The following FBH1 variants were observed in gnomAD, a reference collection of about 807,000 sequenced individuals.
FBH1 encodes F-box DNA helicase 1, also known as DNA 3'-5' helicase 1.
A neutral mutation model predicts 115.5 loss-of-function variants in FBH1; 43 were observed. The ratio of observed to expected loss-of-function variants is 0.37; its 90% confidence interval spans 0.29 to 0.48. The LOEUF (loss-of-function observed/expected upper bound fraction) is 0.48, where lower values mean the gene tolerates loss of function less well. Ranked by LOEUF, FBH1 falls within the 20% of genes least tolerant of loss-of-function variation. FBH1 has a pLI of 0.99. For synonymous variants in FBH1, 524 were observed against 507.8 expected (o/e 1.03, Z -0.43); for missense variants, 1,001 against 1,337.3 (o/e 0.75, Z 3.92).
chr10:5,918,579 A>C lies in FBH1; in HGVS notation c.2100+101A>C. On this transcript the variant is annotated intron_variant, in intron 13 of 20. Transcript: ENST00000362091. This position sits in a 1 kb window ranked among gnomAD's most constrained non-coding sequence, Gnocchi z 4.0. Reference sequence around the variant, plus strand: ...TATGCCAGGCTCACCAGATCTAGCAAATCCTTGCTTCTAAGCCATGGTTCT... The same window carrying C: ...TATGCCAGGCTCACCAGATCTAGCACATCCTTGCTTCTAAGCCATGGTTCT... 7.3e-7 allele frequency: 1 copy of C among 1,375,744 alleles called. No individual in the cohort carries two copies. The highest frequency in any genetic ancestry group is 9.5e-7 in the Non-Finnish European group (1 of 1,047,414). The allele number at this position is 1,375,744 out of a possible 1,614,324, so 85.2% of individuals were successfully genotyped here. A position where few individuals can be genotyped will look rare whatever the true frequency, so the allele number is the denominator to read the frequency against.
In FBH1 at chr10:5,902,875, G is replaced by T. The variant is rs1013539635; in HGVS notation, c.2-145G>T. The T allele has an allele frequency of 2.4e-5, 14 of 588,580 alleles. 1 individual carries two copies. The Admixed American group carries it at 3.9e-4, about 17-fold the overall frequency. The allele number at this position is 588,580 out of a possible 1,614,324, so 36.5% of individuals were successfully genotyped here. ...AGAAATTGAAAGGACAAAGTTGGGG[G>T]GCAAGGGGAGGGGGGAACGGTTGGC... On this transcript the variant is annotated intron_variant, in intron 1 of 20. Transcript: ENST00000362091.
rs146471049 is a variant in FBH1 at position 5,903,071 on chromosome 10, C to T, written c.53C>T (p.Ala18Val). 1.9e-6 allele frequency: 3 copies of T among 1,613,710 alleles called. No homozygotes were observed. Among genetic ancestry groups the T allele is most frequent in the Non-Finnish European group, 2.5e-6 (3 of 1,179,830 alleles). ...ACTGCCATTGACTGCCAGCATTTGG[C>T]TCGGAGTCACTTGGCTGTGACCCAG... is the stretch of plus-strand genomic sequence containing the variant. ...HLTAIDCQHL[A>V]RSHLAVTQPF... Residue 18 changes from alanine (A) to valine (V), a missense_variant, in exon 2 of 21, where the codon GCT (alanine) becomes GTT (valine). Ala to Val is a moderately conservative substitution (Grantham distance 64, BLOSUM62 0). Around this residue, in one of 4 missense-constraint regions of FBH1, gnomAD observed 420 missense variants for 430.4 expected, o/e 0.98. Coordinates refer to ENST00000362091, the MANE Select transcript of FBH1 (RefSeq NM_178150.3).
Position 5,918,528 on chromosome 10 carries a change from T to C in FBH1, c.2100+50T>C. The C allele has an allele frequency of 4.6e-6, 7 of 1,512,166 alleles. No individual in the cohort carries two copies. The highest frequency in any genetic ancestry group is 6.2e-6 in the Non-Finnish European group (7 of 1,134,822). The allele number at this position is 1,512,166 out of a possible 1,614,324, so 93.7% of individuals were successfully genotyped here. ...GCATTGCATCTCTCTCCCAATGTCT[T>C]ACGTGCCAGGCCCTGTGAAAGGTGG... is the stretch of plus-strand genomic sequence containing the variant. On this transcript the variant is annotated intron_variant, in intron 13 of 20. Transcript: ENST00000362091. The surrounding 1 kb of genome is among the most constrained non-coding windows in gnomAD (Gnocchi z 4.0).
intron 1 of FBH1, chr10:5,894,473 T>C (rs745770336): frequency 6.9e-6 from 9 of 1,307,650 alleles, no homozygotes; most frequent in South Asian, 4.7e-5. Flanking sequence ...CGGGTTCTTG[T>C]GTTGGCACCA....
chr10:5,904,708 T>A (rs554616951), intron 2 of FBH1, among the ~76,000 whole-genome samples: 86 of 152,194 alleles, frequency 5.7e-4, no homozygotes, highest in African/African-American at 1.9e-3. Flanking sequence ...TTTAAAATAA[T>A]AATAATATTT....
At position 5,910,760 on chromosome 10, in the gene FBH1, G is replaced by A. The variant is rs1831532195; in HGVS notation, c.1021-178G>A. Among the ~76,000 whole-genome samples, 1 of 152,178 alleles carries A rather than the reference G, an allele frequency of 6.6e-6. No individual in the cohort carries two copies. The highest frequency in any genetic ancestry group is 2.1e-4 in the South Asian group (1 of 4,828). On this transcript the variant is annotated intron_variant, in intron 5 of 20. Coordinates refer to ENST00000362091, the MANE Select transcript of FBH1 (RefSeq NM_178150.3). The surrounding 1 kb of genome is among the most constrained non-coding windows in gnomAD (Gnocchi z 4.8). Reference sequence around the variant, plus strand: ...CCAAAAGTGATGAGAAGGAGTCCAGGGCGAACAGAAGGGCTCCCCTGTTTC... The same window carrying A: ...CCAAAAGTGATGAGAAGGAGTCCAGAGCGAACAGAAGGGCTCCCCTGTTTC...
intron 19 of FBH1, chr10:5,928,620 C>T (rs898610347): frequency 1.3e-5 from 2 of 152,246 alleles, no homozygotes; most frequent in Non-Finnish European, 2.9e-5. Flanking sequence ...TTGTCACAGA[C>T]ATGTGGAAAA....
Position 5,925,508 on chromosome 10 carries a change from G to C in FBH1, c.2722+16G>C, listed in dbSNP as rs531601376. On this transcript the variant is annotated intron_variant, in intron 18 of 20. Transcript: ENST00000362091. This position sits in a 1 kb window ranked among gnomAD's most constrained non-coding sequence, Gnocchi z 4.6. Reference sequence around the variant, plus strand: ...TTCAGAGTTGGTAAGAGGCCGCCGGGTAGTGTCAGGTGCTGCTGTATGTAG... The same window carrying C: ...TTCAGAGTTGGTAAGAGGCCGCCGGCTAGTGTCAGGTGCTGCTGTATGTAG... The C allele has an allele frequency of 7.4e-6, 12 of 1,612,834 alleles. No individual in the cohort carries two copies. In the Middle Eastern group the frequency reaches 7.6e-4, roughly 102 times the overall value.
intron 2 of FBH1, among the ~76,000 whole-genome samples, chr10:5,905,477 C>T (rs1843636007): frequency 6.6e-6 from 1 of 152,190 alleles, no homozygotes; most frequent in Non-Finnish European, 1.5e-5. Flanking sequence ...AAGATCACAC[C>T]ACTGCACTCC....
Position 5,900,928 on chromosome 10 carries a change from C to G in FBH1, c.2-2092C>G, listed in dbSNP as rs1489483283. Reference sequence around the variant, plus strand: ...CCTGGCCAACATAGTAAAACCCCGTCTCTACTAAAGATACAAAAGTTAGCT... The same window carrying G: ...CCTGGCCAACATAGTAAAACCCCGTGTCTACTAAAGATACAAAAGTTAGCT... On this transcript the variant is annotated intron_variant, in intron 1 of 20. Coordinates refer to ENST00000362091, the MANE Select transcript of FBH1 (RefSeq NM_178150.3). This position sits in a 1 kb window ranked among gnomAD's most constrained non-coding sequence, Gnocchi z 4.2. 6.6e-6 allele frequency among the ~76,000 whole-genome samples: 1 copy of G among 151,982 alleles called. No individual in the cohort carries two copies. The highest frequency in any genetic ancestry group is 1.5e-5 in the Non-Finnish European group (1 of 68,016).
chr10:5,903,287 C>A, intron 2 of FBH1, 112 bp downstream of exon 2: 4 of 714,156 alleles, frequency 5.6e-6, no homozygotes, highest in Non-Finnish European at 6.2e-6. Flanking sequence ...TTGTAGTCTT[C>A]ATGCAATAGC....
rs1168664742 is a variant in FBH1, at chr10:5,894,662, A to G, written c.1+4316A>G. ...GCTTCAAAGCCAAGGAAGACAGCCC[A>G]CACTTCAGAAGAAGTGCTGCAGCTG... On this transcript the variant is annotated intron_variant, in intron 1 of 20. Transcript: ENST00000362091. 4.3e-6 allele frequency: 3 copies of G among 692,920 alleles called. No individual in the cohort carries two copies. In the African/African-American group the frequency reaches 5.3e-5, roughly 12 times the overall value. The allele number at this position is 692,920 out of a possible 1,614,324, so 42.9% of individuals were successfully genotyped here. A position where few individuals can be genotyped will look rare whatever the true frequency, so the allele number is the denominator to read the frequency against.
chr10:5,914,521 C>T lies in FBH1; in HGVS notation c.1396+252C>T, dbSNP rs1299908510. Among the ~76,000 whole-genome samples, 2 of 152,320 alleles carry T rather than the reference C, an allele frequency of 1.3e-5. No individual in the cohort carries two copies. The highest frequency in any genetic ancestry group is 4.8e-5 in the African/African-American group (2 of 41,564). ...GCAGTTAGTTGGTCGGGCAGATGCC[C>T]CCGGGATTGAGCCCAGCATTGTGAT... is the stretch of plus-strand genomic sequence containing the variant. On this transcript the variant is annotated intron_variant, in intron 8 of 20. Transcript: ENST00000362091. The surrounding 1 kb of genome is among the most constrained non-coding windows in gnomAD (Gnocchi z 5.2).
chr10:5,895,217 C>G lies in FBH1; in HGVS notation c.1+4871C>G. On this transcript the variant is annotated intron_variant, in intron 1 of 20. Transcript: ENST00000362091. This position sits in a 1 kb window ranked among gnomAD's most constrained non-coding sequence, Gnocchi z 5.0. ...GAGGCATGTGGGAAACTGACCAGGG[C>G]GGTTAGCTGACTCCAAAATTGTCCA... 1 of 1,592,954 alleles carries G rather than the reference C, an allele frequency of 6.3e-7. No homozygotes were observed. Among genetic ancestry groups the G allele is most frequent in the Non-Finnish European group, 8.6e-7 (1 of 1,166,968 alleles).
At position 5,915,876 on chromosome 10, in the gene FBH1, T is replaced by C; in HGVS notation, c.1565+305T>C. ...CACAAATCCTGATCAGTTGTAGGCT[T>C]TTCTTGGAAGGGAGTGAGGAAGACT... is the stretch of plus-strand genomic sequence containing the variant. On this transcript the variant is annotated intron_variant, in intron 9 of 20. Coordinates refer to ENST00000362091, the MANE Select transcript of FBH1 (RefSeq NM_178150.3). The surrounding 1 kb of genome is among the most constrained non-coding windows in gnomAD (Gnocchi z 5.2). 1 of 467,650 alleles carries C rather than the reference T, an allele frequency of 2.1e-6. No homozygotes were observed. Among genetic ancestry groups the C allele is most frequent in the Non-Finnish European group, 3.8e-6 (1 of 260,154 alleles). The allele number at this position is 467,650 out of a possible 1,614,324, so 29.0% of individuals were successfully genotyped here.
Position 5,936,422 on chromosome 10 carries a change from G to A in FBH1, c.2830-34G>A, listed in dbSNP as rs199590506. 1,243 of 1,607,266 alleles carry A rather than the reference G, an allele frequency of 7.7e-4. No individual in the cohort carries two copies. Among genetic ancestry groups the A allele is most frequent in the Non-Finnish European group, 1.0e-3 (1,182 of 1,176,522 alleles). ...TCCAGTAGACCCTAACGGAGGTGTC[G>A]CCATGACTCTCTTTCTCGCTCTTTC... On this transcript the variant is annotated intron_variant, in intron 19 of 20. Coordinates refer to ENST00000362091, the MANE Select transcript of FBH1 (RefSeq NM_178150.3). The surrounding 1 kb of genome is among the most constrained non-coding windows in gnomAD (Gnocchi z 5.6).
chr10:5,902,401 A>T (rs1483191793), intron 1 of FBH1, among the ~76,000 whole-genome samples: 6 of 152,218 alleles, frequency 3.9e-5, no homozygotes, highest in Non-Finnish European at 4.4e-5. Context: ...CCGATTCTTA[A>T]ATACTTTTGA....
Position 5,936,586 on chromosome 10 carries a change from A to T in FBH1, c.2960A>T (p.Tyr987Phe), listed in dbSNP as rs1460402955. The change falls in exon 20 of 21, where the codon TAT (tyrosine) becomes TTT (phenylalanine). Residue 987 changes from tyrosine to phenylalanine, a missense_variant and splice_region_variant. Coordinates refer to ENST00000362091, the MANE Select transcript of FBH1 (RefSeq NM_178150.3). The surrounding 1 kb of genome is among the most constrained non-coding windows in gnomAD (Gnocchi z 5.6). ...VLTMKKLPIT[Y>F]SNRKENKGGY... ...ACCATGAAGAAGCTGCCCATCACCT[A>T]TGTACGTCTGCTGTCTGTGGAACTT... 1.2e-6 allele frequency: 2 copies of T among 1,613,608 alleles called. No individual in the cohort carries two copies. The highest frequency in any genetic ancestry group is 2.7e-5 in the African/African-American group (2 of 74,918).
At chr10:5,905,497 G>A (rs1256302522) in intron 2 of FBH1, among the ~76,000 whole-genome samples, 1 of 152,196 alleles carries the variant, frequency 6.6e-6, no homozygotes, top group Non-Finnish European at 1.5e-5. Context: ...CAGCCTGGGC[G>A]ACAGAGTGGG....
Sources: gnomAD v4.1 joint callset for allele counts (sites outside exome capture counted in the v4.1 genomes callset) on GRCh38, gnomAD v4.1.1 for gene constraint, gnomAD v4.1.1 regional missense constraint, Gnocchi (gnomAD v3.1) non-coding constraint, MANE v1.5 for transcripts, NCBI Gene and HGNC (gene_info 2026-07-23, HGNC 2026-07-21) for gene names.